The following UTY variants were observed in gnomAD, a reference collection of about 807,000 sequenced individuals.
The protein encoded by UTY is ubiquitously transcribed tetratricopeptide repeat containing, Y-linked, also known as histone demethylase UTY.
Under a neutral mutation model 32.5 loss-of-function variants are expected in UTY, and 12 were observed. The ratio of observed to expected loss-of-function variants is 0.37; its 90% CI spans 0.24 to 0.60. The LOEUF is 0.60. UTY is among the 20% of genes least tolerant of loss of function. The pLI, the probability that UTY is intolerant of heterozygous loss-of-function variation, is 0.69. For missense variants in UTY, 303 were observed against 299.2 expected (o/e 1.01, Z -0.09); for synonymous variants, 131 against 103.4 (o/e 1.27, Z -1.62).
intron 27 of UTY, among the ~76,000 whole-genome samples, chrY:13,275,879 A>G: frequency 2.9e-5 from 1 of 33,947 alleles, no homozygotes; most frequent in East Asian, 7.6e-4. Context: ...ATTATTAAGA[A>G]GTGTTTTCAT....
At chrY:13,406,943 A>G in intron 6 of UTY, among the ~76,000 whole-genome samples, 1 of 30,726 alleles carries the variant, frequency 3.3e-5, no homozygotes, top group Non-Finnish European at 8.0e-5. Context: ...AGAAGTGGTA[A>G]GGGTGGGGGA....
intron 27 of UTY, among the ~76,000 whole-genome samples, chrY:13,283,978 A>C: frequency 3.0e-5 from 1 of 33,232 alleles, no homozygotes; most frequent in African/African-American, 1.2e-4. Context: ...TTTGCTTTGA[A>C]AAAAAGGGGT....
At chrY:13,271,183 G>C in intron 27 of UTY, among the ~76,000 whole-genome samples, 1 of 33,384 alleles carries the variant, frequency 3.0e-5, no homozygotes, top group African/African-American at 1.2e-4. Context: ...AGATGATGAG[G>C]ACTGTGGATA....
intron 4 of UTY, among the ~76,000 whole-genome samples, chrY:13,447,041 T>A (rs2075975347): frequency 3.1e-5 from 1 of 32,439 alleles, no homozygotes; most frequent in African/African-American, 1.2e-4. Flanking sequence ...CAGGTATACA[T>A]GTGCCATGGT....
chrY:13,327,676 A>G lies in UTY; in HGVS notation c.2835-1326T>C, dbSNP rs766686772. On this transcript the variant is annotated intron_variant, in intron 18 of 29. Coordinates refer to ENST00000545955, the MANE Select transcript of UTY (RefSeq NM_001258249.2). Reference sequence around the variant, plus strand: ...AGATTTCAGTCTCTCTCCACAAAGCATAATGACCCATAGGTTTAGTTATAA... The same window carrying G: ...AGATTTCAGTCTCTCTCCACAAAGCGTAATGACCCATAGGTTTAGTTATAA... 2.1e-4 allele frequency among the ~76,000 whole-genome samples: 7 copies of G among 33,719 alleles called. No individual in the cohort carries two copies. In the East Asian group the frequency reaches 5.3e-3, roughly 26 times the overall value. The allele number at this position is 33,719 out of a possible 37,273, so 90.5% of individuals were successfully genotyped here. A position where few individuals can be genotyped will look rare whatever the true frequency, so the allele number is the denominator to read the frequency against.
At chrY:13,328,307 G>A in intron 18 of UTY, among the ~76,000 whole-genome samples, 1 of 33,746 alleles carries the variant, frequency 3.0e-5, no homozygotes, top group Admixed American at 2.7e-4. Flanking sequence ...GTAGAATTCT[G>A]TTGTTGTAAT....
chrY:13,463,726 C>G, intron 3 of UTY, among the ~76,000 whole-genome samples: 1 of 34,124 alleles, frequency 2.9e-5, no homozygotes, highest in Admixed American at 2.7e-4. Flanking sequence ...GCATGAATGT[C>G]TGAAAACCTG....
At chrY:13,464,376 T>C in intron 3 of UTY, among the ~76,000 whole-genome samples, 8 of 33,892 alleles carry the variant, frequency 2.4e-4, no homozygotes, top group African/African-American at 8.1e-4. Context: ...GGCCTTTCTC[T>C]GACTTCATGT....
At chrY:13,339,704 T>C (rs2149082455) in intron 17 of UTY, among the ~76,000 whole-genome samples, 1 of 33,673 alleles carries the variant, frequency 3.0e-5, no homozygotes, top group African/African-American at 1.2e-4. Flanking sequence ...CGTGATGTGG[T>C]GAAGCACAGA....
intron 8 of UTY, among the ~76,000 whole-genome samples, chrY:13,389,455 G>T (rs767549224): frequency 6.1e-5 from 2 of 33,009 alleles, no homozygotes; most frequent in East Asian, 7.9e-4. Flanking sequence ...CTTCTATTAT[G>T]GTTTTAAGTC....
At chrY:13,270,890 G>C (rs2056255904) in intron 27 of UTY, among the ~76,000 whole-genome samples, 1 of 32,682 alleles carries the variant, frequency 3.1e-5, no homozygotes, top group South Asian at 7.1e-4. Context: ...GACTAACCTC[G>C]GCAACACAGA....
At chrY:13,446,551 G>GAGAT (rs765977720) in intron 4 of UTY, among the ~76,000 whole-genome samples, 52 of 10,404 alleles carry the variant, frequency 5.0e-3, no homozygotes, top group Non-Finnish European at 8.2e-3. Flanking sequence ...GTAACAGTGT[G>GAGAT]AGATAGATAG....
chrY:13,294,428 T>A, intron 27 of UTY, among the ~76,000 whole-genome samples: 1 of 33,896 alleles, frequency 3.0e-5, no homozygotes, highest in Admixed American at 2.7e-4. Context: ...TCAACTGTCA[T>A]CTCATATTAT....
At chrY:13,288,866 T>C in intron 27 of UTY, among the ~76,000 whole-genome samples, 5 of 33,456 alleles carry the variant, frequency 1.5e-4, no homozygotes, top group African/African-American at 4.7e-4. Flanking sequence ...GTAGAAAATT[T>C]AACCTTACTA....
intron 5 of UTY, among the ~76,000 whole-genome samples, chrY:13,414,101 T>C: frequency 2.9e-5 from 1 of 34,317 alleles, no homozygotes; most frequent in Non-Finnish European, 7.3e-5. Context: ...TATGCATTTT[T>C]TGGTTTCAGT....
At chrY:13,269,552 AAAAACAAAACAAAACAAAAC>A (rs768833349) in intron 27 of UTY, among the ~76,000 whole-genome samples, 1 of 24,365 alleles carries the variant, frequency 4.1e-5, no homozygotes, top group Non-Finnish European at 8.6e-5. Context: ...TGTGGGCATG[AAAAACAAAACAAAACAAAAC>A]AAAACAAAAC....
intron 10 of UTY, among the ~76,000 whole-genome samples, chrY:13,360,752 T>C (rs777337832): frequency 3.0e-5 from 1 of 33,429 alleles, no homozygotes; most frequent in South Asian, 6.6e-4. Context: ...GCTAGTACGT[T>C]ATATTAATAA....
In UTY at chrY:13,251,123, T is replaced by C. The variant is rs745581368; in HGVS notation, c.4202A>G (p.His1401Arg). 5.0e-6 allele frequency: 2 copies of C among 398,014 alleles called. No individual in the cohort carries two copies. The highest frequency in any genetic ancestry group is 7.1e-6 in the Non-Finnish European group (2 of 283,049). ...ESNTQKTYIV[H>R]CHDCARKTSK... ...TGTTTTTCGTGCACAATCATGGCAA[T>C]GTACTATGTAGGTTTTTTGAGTATT... is the stretch of plus-strand genomic sequence containing the variant. The change falls in exon 29 of 30, where the codon CAT (histidine) becomes CGT (arginine). Residue 1401 changes from histidine (H) to arginine (R), a missense_variant. Physicochemically the swap from His to Arg is conservative, Grantham distance 29. Coordinates refer to ENST00000545955, the MANE Select transcript of UTY (RefSeq NM_001258249.2).
intron 2 of UTY, among the ~76,000 whole-genome samples, chrY:13,470,793 A>T: frequency 3.0e-5 from 1 of 33,590 alleles, no homozygotes; most frequent in Non-Finnish European, 7.3e-5. Context: ...TATAAAAGTT[A>T]CATATCTAAA....
Sources: gnomAD v4.1 joint callset for allele counts (sites outside exome capture counted in the v4.1 genomes callset) on GRCh38, gnomAD v4.1.1 for gene constraint, MANE v1.5 for transcripts, NCBI Gene and HGNC (gene_info 2026-07-23, HGNC 2026-07-21) for gene names.